PCDH7: variants seen among roughly 807,000 people sequenced by gnomAD.
PCDH7 encodes the protein protocadherin-7.
In PCDH7, 17 loss-of-function variants were observed where a neutral mutation model predicts 58.9. That is an observed-to-expected ratio of 0.29 (90% confidence interval 0.20 to 0.43). The LOEUF is 0.43. Ranked by LOEUF, PCDH7 falls within the 20% of genes least tolerant of loss-of-function variation. The pLI is 1.00. For synonymous variants in PCDH7, 664 were observed against 616.4 expected (o/e 1.08, Z -1.14); for missense variants, 1,274 against 1,441.0 (o/e 0.88, Z 1.88).
chr4:30,789,820 A>G (rs1723882227), intron 1 of PCDH7, among the ~76,000 whole-genome samples: 1 of 152,272 alleles, frequency 6.6e-6, no homozygotes, highest in South Asian at 2.1e-4. Flanking sequence ...TAGACGAGAG[A>G]GTTGCAGACT....
chr4:31,062,347 A>G (rs1757752437), intron 3 of PCDH7, among the ~76,000 whole-genome samples: 1 of 151,810 alleles, frequency 6.6e-6, no homozygotes. Flanking sequence ...AAAGAAATCA[A>G]GTAATACATA....
At chr4:31,051,910 T>C (rs56393119) in intron 3 of PCDH7, among the ~76,000 whole-genome samples, 13,342 of 152,064 alleles carry the variant, frequency 0.088, 692 homozygotes, top group South Asian at 0.18. Context: ...TGTCCTCTAA[T>C]TTTGTGATAT....
chr4:30,932,852 A>T (rs917922179), intron 2 of PCDH7, among the ~76,000 whole-genome samples: 1 of 152,170 alleles, frequency 6.6e-6, no homozygotes, highest in Non-Finnish European at 1.5e-5. Context: ...TCAAACTGTA[A>T]CAACGGTTTA....
chr4:31,070,804 T>G (rs1758485079), intron 3 of PCDH7, among the ~76,000 whole-genome samples: 1 of 152,224 alleles, frequency 6.6e-6, no homozygotes, highest in Admixed American at 6.6e-5. Context: ...GAAGTTTTAT[T>G]AATTTTTGTC....
At chr4:31,055,679 T>A (rs1315142484) in intron 3 of PCDH7, among the ~76,000 whole-genome samples, 1 of 151,978 alleles carries the variant, frequency 6.6e-6, no homozygotes, top group African/African-American at 2.4e-5. Flanking sequence ...CGGGTTCAAG[T>A]GATTCTCCTG....
In PCDH7 at chr4:30,848,834, T is replaced by C. The variant is rs1330400697; in HGVS notation, c.71-71319T>C. Among the ~76,000 whole-genome samples, 5 of 152,212 alleles carry C rather than the reference T, an allele frequency of 3.3e-5. No individual in the cohort carries two copies. The East Asian group carries it at 5.8e-4, about 18-fold the overall frequency. On this transcript the variant is annotated intron_variant, in intron 1 of 3. Coordinates refer to the PCDH7 transcript ENST00000509759. ...CAATGACCTAAGTATGCAATTAAAA[T>C]TGTACTATCCTAGCTAGGTGATCAA...
At chr4:31,059,316 A>G (rs935085469) in intron 3 of PCDH7, among the ~76,000 whole-genome samples, 2 of 151,940 alleles carry the variant, frequency 1.3e-5, no homozygotes, top group Non-Finnish European at 2.9e-5. Flanking sequence ...TCTTAAAATA[A>G]TAGAAATCAA....
rs113019534 is a variant in PCDH7, at chr4:31,102,489, G to A, written c.*8-39984G>A. Reference sequence around the variant, plus strand: ...TGTAATTCCAGCACTTTGGGAGGCTGAGGTGGGCAGATCACTTGGGGTCAG... The same window carrying A: ...TGTAATTCCAGCACTTTGGGAGGCTAAGGTGGGCAGATCACTTGGGGTCAG... On this transcript the variant is annotated intron_variant, in intron 3 of 3. Transcript: ENST00000509759. Among the ~76,000 whole-genome samples, 903 of 152,180 alleles carry A rather than the reference G, an allele frequency of 5.9e-3. 11 individuals carry two copies. Among genetic ancestry groups the A allele is most frequent in the African/African-American group, 0.021 (853 of 41,508 alleles).
intron 3 of PCDH7, among the ~76,000 whole-genome samples, chr4:31,042,219 GTTTTC>G: frequency 6.6e-6 from 1 of 152,210 alleles, no homozygotes; most frequent in East Asian, 1.9e-4. Context: ...TCTCATCCCT[GTTTTC>G]TAGATAAGAT....
intron 3 of PCDH7, among the ~76,000 whole-genome samples, chr4:31,028,838 G>A (rs557690541): frequency 6.6e-6 from 1 of 152,138 alleles, no homozygotes; most frequent in East Asian, 1.9e-4. Context: ...GAGGCTTTGG[G>A]AGATAATATA....
rs73812522 is a variant in PCDH7, at chr4:31,086,345, G to A, written c.*8-56128G>A. 3.5e-3 allele frequency among the ~76,000 whole-genome samples: 532 copies of A among 152,256 alleles called. 2 individuals carry two copies. The highest frequency in any genetic ancestry group is 0.012 in the African/African-American group (514 of 41,560). On this transcript the variant is annotated intron_variant, in intron 3 of 3. Transcript: ENST00000509759. Reference sequence around the variant, plus strand: ...TTCAGAAAACTTTTCAGTCGATGATGTCCCGCAGTTATTTTAAGTCTGTTT... The same window carrying A: ...TTCAGAAAACTTTTCAGTCGATGATATCCCGCAGTTATTTTAAGTCTGTTT...
At position 30,920,479 on chromosome 4, in the gene PCDH7, T is replaced by G. The variant is rs1743053331; in HGVS notation, c.287+110T>G. On this transcript the variant is annotated intron_variant, in intron 2 of 3. Coordinates refer to the PCDH7 transcript ENST00000509759. ...ATAAAATAGCTGACATTAAAACCAT[T>G]TTATTTTAAGTGATAAATATTTGCT... is the stretch of plus-strand genomic sequence containing the variant. 4 of 584,438 alleles carry G rather than the reference T, an allele frequency of 6.8e-6. No homozygotes were observed. The South Asian group carries it at 7.4e-5, about 11-fold the overall frequency. The allele number at this position is 584,438 out of a possible 1,614,324, so 36.2% of individuals were successfully genotyped here.
intron 3 of PCDH7, among the ~76,000 whole-genome samples, chr4:31,004,045 A>T (rs1054794475): frequency 6.6e-6 from 1 of 152,072 alleles, no homozygotes; most frequent in Non-Finnish European, 1.5e-5. Flanking sequence ...GAATGTCCTA[A>T]AGTCTCCAAG....
At chr4:30,725,382 C>A in intron 1 of PCDH7, 2 of 650,968 alleles carry the variant, frequency 3.1e-6, no homozygotes, top group Non-Finnish European at 3.8e-6. Context: ...GTACTGTGTG[C>A]AAGACTATTT....
chr4:30,737,792 A>T (rs1244351279), downstream of PCDH7, among the ~76,000 whole-genome samples: 1 of 152,230 alleles, frequency 6.6e-6, no homozygotes, highest in Admixed American at 6.5e-5. Flanking sequence ...AAAACTCACA[A>T]TAGTTTGATA....
chr4:31,102,750 A>C (rs1004781450), intron 3 of PCDH7, among the ~76,000 whole-genome samples: 2 of 152,074 alleles, frequency 1.3e-5, no homozygotes, highest in African/African-American at 4.8e-5. Flanking sequence ...TACAAAATAC[A>C]TGTATCTGTA....
intron 1 of PCDH7, among the ~76,000 whole-genome samples, chr4:30,858,936 A>C (rs1465409456): frequency 1.3e-5 from 2 of 152,194 alleles, no homozygotes; most frequent in Non-Finnish European, 2.9e-5. Context: ...ACAATCAGTT[A>C]CCTTCAGGAA....
intron 1 of PCDH7, among the ~76,000 whole-genome samples, chr4:30,854,511 A>AT (rs1733197186): frequency 6.6e-6 from 1 of 151,484 alleles, no homozygotes; most frequent in Admixed American, 6.6e-5. Flanking sequence ...ATATATGAGG[A>AT]TTTATAGTAG....
Position 30,721,406 on chromosome 4 carries a change from A to G in PCDH7, c.-17A>G. Reference sequence around the variant, plus strand: ...GGCTGTGGTTAGAAGGAGCAGTAGCAGCAGCAGCAGGAGAAGATGCTGAGG... The same window carrying G: ...GGCTGTGGTTAGAAGGAGCAGTAGCGGCAGCAGCAGGAGAAGATGCTGAGG... On this transcript the variant is annotated 5_prime_UTR_variant, in exon 1 of 2. Transcript: ENST00000361762. This position sits in a 1 kb window ranked among gnomAD's most constrained non-coding sequence, Gnocchi z 6.7. 6.8e-7 allele frequency: 1 copy of G among 1,477,594 alleles called. No individual in the cohort carries two copies. The highest frequency in any genetic ancestry group is 9.0e-7 in the Non-Finnish European group (1 of 1,116,084). The allele number at this position is 1,477,594 out of a possible 1,614,324, so 91.5% of individuals were successfully genotyped here.
Sources: allele counts gnomAD v4.1 joint callset (sites outside exome capture counted in the v4.1 genomes callset), GRCh38; gene constraint gnomAD v4.1.1; non-coding constraint Gnocchi (gnomAD v3.1); transcripts MANE v1.5; gene names NCBI Gene and HGNC (gene_info 2026-07-23, HGNC 2026-07-21).